Variants in SRP68 observed in about 807,000 individuals in gnomAD.
SRP68 encodes the protein signal recognition particle subunit SRP68.
SRP68 carries 15 observed loss-of-function variants against 82.2 expected under a neutral mutation model. The ratio of observed to expected loss-of-function variants is 0.18; its 90% CI spans 0.12 to 0.28. The LOEUF is 0.28. SRP68 is among the 10% of genes least tolerant of loss of function. The pLI, the probability that SRP68 is intolerant of heterozygous loss-of-function variation, is 1.00. For synonymous variants in SRP68, 261 were observed against 292.6 expected (o/e 0.89, Z 1.10); for missense variants, 595 against 780.5 (o/e 0.76, Z 2.83).
rs2144535697 is a variant in SRP68, at chr17:76,070,478, C to T, written c.185-34G>A. 1.9e-6 allele frequency: 3 copies of T among 1,565,382 alleles called. No individual in the cohort carries two copies. The East Asian group carries it at 6.7e-5, about 35-fold the overall frequency. Reference sequence around the variant, plus strand: ...GAGATTAAGGAAAATCTTACCATAGCAAGAATCCAAACAAATCAAAACCTG... The same window carrying T: ...GAGATTAAGGAAAATCTTACCATAGTAAGAATCCAAACAAATCAAAACCTG... On this transcript the variant is annotated intron_variant, in intron 1 of 15. Transcript: ENST00000307877.
intron 3 of SRP68, among the ~76,000 whole-genome samples, chr17:76,066,606 GTTT>G (rs552112903): frequency 4.8e-5 from 6 of 124,044 alleles, no homozygotes; most frequent in African/African-American, 5.9e-5. Flanking sequence ...ATCCCAACAG[GTTT>G]TTTTTTTTTT....
At chr17:76,061,765 G>A (rs887592435) in intron 4 of SRP68, 191 bp from the exon 5 acceptor site, 2 of 431,744 alleles carry the variant, frequency 4.6e-6, no homozygotes, top group African/African-American at 4.0e-5. Context: ...TTGAAGACAA[G>A]CCAGGGCAAT....
chr17:76,053,709 T>C lies in SRP68; in HGVS notation c.979-3183A>G, dbSNP rs543312641. 19 of 914,360 alleles carry C rather than the reference T, an allele frequency of 2.1e-5. No homozygotes were observed. The South Asian group carries it at 8.1e-4, about 39-fold the overall frequency. 56.6% of individuals were successfully genotyped at this position (914,360 alleles called of 1,614,324 possible). Reference sequence around the variant, plus strand: ...TGTGTTTTTCTTACGACGCCCACACTGCAATGACTCAGACCACTAATCTCT... The same window carrying C: ...TGTGTTTTTCTTACGACGCCCACACCGCAATGACTCAGACCACTAATCTCT... On this transcript the variant is annotated intron_variant, in intron 8 of 15. Transcript: ENST00000307877.
At chr17:76,057,156 T>C (rs745370304) in intron 8 of SRP68, among the ~76,000 whole-genome samples, 9 of 152,190 alleles carry the variant, frequency 5.9e-5, no homozygotes, top group Non-Finnish European at 1.3e-4. Context: ...CTCTAATGCC[T>C]CCCATTTTTA....
At chr17:76,051,320 G>C (rs1232327998) in intron 8 of SRP68, among the ~76,000 whole-genome samples, 1 of 152,190 alleles carries the variant, frequency 6.6e-6, no homozygotes, top group Non-Finnish European at 1.5e-5. Context: ...GAATCTGACC[G>C]AGCAGATAGA....
chr17:76,040,586 C>A, intron 14 of SRP68, 112 bp from the exon 15 acceptor site: 1 of 1,053,766 alleles, frequency 9.5e-7, no homozygotes. Context: ...AAGGAGCCAG[C>A]ATGTGGGGAA....
chr17:76,053,956 G>C (rs944562685), intron 8 of SRP68, among the ~76,000 whole-genome samples: 1 of 152,224 alleles, frequency 6.6e-6, no homozygotes, highest in Non-Finnish European at 1.5e-5. Flanking sequence ...GGACCAACCA[G>C]AACGTGCTCT....
At chr17:76,045,203 C>T (rs370455557) in intron 12 of SRP68, 89 bp downstream of exon 12, 14 of 970,492 alleles carry the variant, frequency 1.4e-5, no homozygotes, top group Admixed American at 6.1e-5. Flanking sequence ...TCAAGGCCAA[C>T]GGTCCCATCT....
At chr17:76,064,755 C>A (rs1327447030) in intron 3 of SRP68, among the ~76,000 whole-genome samples, 1 of 149,180 alleles carries the variant, frequency 6.7e-6, no homozygotes, top group African/African-American at 2.5e-5. Context: ...GCAGGAGTAT[C>A]TCTTGAACCG....
At chr17:76,045,215 CT>C in intron 12 of SRP68, 76 bp downstream of exon 12, 1 of 1,124,310 alleles carries the variant, frequency 8.9e-7, no homozygotes, top group Non-Finnish European at 1.3e-6. Flanking sequence ...GTCCCATCTG[CT>C]GTGGGCTGGG....
intron 2 of SRP68, among the ~76,000 whole-genome samples, chr17:76,069,417 T>A (rs2066831858): frequency 6.7e-6 from 1 of 149,508 alleles, no homozygotes; most frequent in Non-Finnish European, 1.5e-5. Flanking sequence ...TAAAATGAAA[T>A]AAAAATAAAT....
chr17:76,043,781 C>G (rs2066609142), intron 13 of SRP68, 48 bp downstream of exon 13: 1 of 1,541,022 alleles, frequency 6.5e-7, no homozygotes, highest in Non-Finnish European at 8.7e-7. Flanking sequence ...CCACAGCTGA[C>G]TCCATAACCT....
chr17:76,063,403 T>C (rs892415335), intron 4 of SRP68, among the ~76,000 whole-genome samples: 1 of 152,116 alleles, frequency 6.6e-6, no homozygotes, highest in Non-Finnish European at 1.5e-5. Context: ...TACAGCTAGA[T>C]GGCCACGTGC....
At chr17:76,067,426 G>T in intron 2 of SRP68, 96 bp from the exon 3 acceptor site, 1 of 836,578 alleles carries the variant, frequency 1.2e-6, no homozygotes, top group Non-Finnish European at 2.0e-6. Context: ...CAATGGTTTG[G>T]GATATTATAC....
At chr17:76,063,781 T>C (rs922970994) in intron 4 of SRP68, among the ~76,000 whole-genome samples, 195 bp downstream of exon 4, 13 of 151,798 alleles carry the variant, frequency 8.6e-5, no homozygotes, top group African/African-American at 2.9e-4. Context: ...TGCCCAATTT[T>C]AAAAAAAGGA....
Position 76,072,209 on chromosome 17 carries a change from C to T in SRP68, c.184+99G>A. ...CGAGAGAAACTGCAACCCTCGGCCT[C>T]TCCTGCCAGGACTTGTCGGGACCCG... is the stretch of plus-strand genomic sequence containing the variant. On this transcript the variant is annotated intron_variant, in intron 1 of 15. Coordinates refer to ENST00000307877, the MANE Select transcript of SRP68 (RefSeq NM_014230.4). The surrounding 1 kb of genome is among the most constrained non-coding windows in gnomAD (Gnocchi z 4.5). 6.3e-7 allele frequency: 1 copy of T among 1,582,602 alleles called. No individual in the cohort carries two copies. Among genetic ancestry groups the T allele is most frequent in the African/African-American group, 1.4e-5 (1 of 72,116 alleles).
At chr17:76,058,933 A>G (rs1039656672) in intron 7 of SRP68, among the ~76,000 whole-genome samples, 4 of 152,230 alleles carry the variant, frequency 2.6e-5, no homozygotes, top group Non-Finnish European at 5.9e-5. Context: ...CAGCCATCAA[A>G]GGATGATGGT....
At chr17:76,053,752 G>T in intron 8 of SRP68, 2 of 672,838 alleles carry the variant, frequency 3.0e-6, no homozygotes, top group Non-Finnish European at 3.7e-6. Context: ...AAGCTCTCAT[G>T]ATTCTCCCTG....
intron 14 of SRP68, 48 bp downstream of exon 14, chr17:76,040,855 T>A: frequency 6.5e-7 from 1 of 1,542,866 alleles, no homozygotes; most frequent in Non-Finnish European, 8.9e-7. Flanking sequence ...AGAAGGGGAG[T>A]GGCAGGAAGG....
Sources: allele counts gnomAD v4.1 joint callset (sites outside exome capture counted in the v4.1 genomes callset), GRCh38; gene constraint gnomAD v4.1.1; non-coding constraint Gnocchi (gnomAD v3.1); transcripts MANE v1.5; gene names NCBI Gene and HGNC (gene_info 2026-07-23, HGNC 2026-07-21).